The following MAP4K1 variants were observed in gnomAD, a reference collection of about 807,000 sequenced individuals.
The protein encoded by MAP4K1 is MAPK/ERK kinase kinase kinase 1.
In MAP4K1, 35 loss-of-function variants were observed where a neutral mutation model predicts 122.8. The ratio of observed to expected loss-of-function variants is 0.29; its 90% CI spans 0.22 to 0.38. MAP4K1 has a LOEUF of 0.38. Among genes scored for constraint, MAP4K1 ranks in the 10% least tolerant of loss-of-function variants. MAP4K1 has a pLI of 1.00. For synonymous variants in MAP4K1, 412 were observed against 421.3 expected, an observed-to-expected ratio of 0.98 and a Z score of 0.27; for missense variants, 791 against 1,072.6, an observed-to-expected ratio of 0.74 and a Z score of 3.67.
intron 16 of MAP4K1, among the ~76,000 whole-genome samples, chr19:38,606,620 C>A (rs975802099): frequency 3.9e-5 from 6 of 152,156 alleles, no homozygotes; most frequent in Non-Finnish European, 8.8e-5. Context: ...TGCACTCCTG[C>A]ACTTAGCCTT....
In MAP4K1 at chr19:38,613,928, A is replaced by G. The variant is rs775369664; in HGVS notation, c.485T>C (p.Ile162Thr). 3.1e-6 allele frequency: 5 copies of G among 1,613,934 alleles called. No homozygotes were observed. The highest frequency in any genetic ancestry group is 2.5e-6 in the Non-Finnish European group (3 of 1,179,960). The change falls in exon 8 of 31, where the codon ATT (isoleucine) becomes ACT (threonine). Residue 162 changes from isoleucine (I) to threonine (T), a missense_variant. By Grantham distance (89) the Ile-to-Thr change is moderately conservative. Coordinates refer to ENST00000396857, the MANE Select transcript of MAP4K1 (RefSeq NM_001042600.3). ...RLADFGISAQ[I>T]GATLARRLSF... is the part of the protein sequence containing the mutation. The stretch of plus-strand genomic sequence containing the variant: ...GAGGCGTCTGGCCAGTGTAGCCCCA[A>G]TCTGGGCCGAGATGCCAAAGTCAGC...
At chr19:38,616,729 T>G (rs372804287) in intron 3 of MAP4K1, among the ~76,000 whole-genome samples, 12 of 152,278 alleles carry the variant, frequency 7.9e-5, no homozygotes, top group African/African-American at 2.9e-4. Flanking sequence ...GGTGAGAGCT[T>G]CGTTTCAAGG....
chr19:38,600,285 C>T (rs1420314125), intron 20 of MAP4K1, 132 bp from the exon 21 acceptor site: 1 of 727,784 alleles, frequency 1.4e-6, no homozygotes, highest in Non-Finnish European at 2.3e-6. Flanking sequence ...AACCAATACT[C>T]CCAGCCTCTG....
chr19:38,595,684 AGTCCCCGGACTG>A lies in MAP4K1; in HGVS notation c.2213_2224del (p.Pro738_Gly741del). ...GGTCATGGGGATCTCAGGTGTGCGAAGTCCCCGGACTGGGGACCCCTCCGGGGTCACCAGCTT... is the reference window on the plus strand; with the variant it reads ...GGTCATGGGGATCTCAGGTGTGCGAAGGGACCCCTCCGGGGTCACCAGCTT... On this transcript the variant is annotated inframe_deletion, in exon 28 of 31. Transcript: ENST00000396857. The A allele has an allele frequency of 6.2e-7, 1 of 1,613,042 alleles. No homozygotes were observed. Among genetic ancestry groups the A allele is most frequent in the Non-Finnish European group, 8.5e-7 (1 of 1,179,384 alleles).
chr19:38,607,948 C>T (rs756717744), intron 15 of MAP4K1, 37 bp from the exon 16 acceptor site: 3 of 1,611,886 alleles, frequency 1.9e-6, no homozygotes, highest in Non-Finnish European at 2.5e-6. Context: ...GGGGCCTTGT[C>T]CACATTCCAG....
rs201034397 is a variant in MAP4K1 at position 38,616,145 on chromosome 19, G to A, written c.313+50C>T. On this transcript the variant is annotated intron_variant, in intron 4 of 30. Transcript: ENST00000396857. Reference sequence around the variant, plus strand: ...AAGAGGTGAATTTGGGTCGGGGTTGGGGGGTGGGGATAGGGAGGGGTGCTT... The same window carrying A: ...AAGAGGTGAATTTGGGTCGGGGTTGAGGGGTGGGGATAGGGAGGGGTGCTT... The A allele has an allele frequency of 4.8e-6, 7 of 1,461,196 alleles. No homozygotes were observed. The Admixed American group carries it at 1.1e-4, about 23-fold the overall frequency. The allele number at this position is 1,461,196 out of a possible 1,614,324, so 90.5% of individuals were successfully genotyped here.
intron 20 of MAP4K1, among the ~76,000 whole-genome samples, chr19:38,601,158 A>C (rs1975051464): frequency 6.6e-6 from 1 of 151,904 alleles, no homozygotes; most frequent in Non-Finnish European, 1.5e-5. Context: ...CATGTTGGCC[A>C]GGCTGGTCTT....
Position 38,607,981 on chromosome 19 carries a change from G to A in MAP4K1, c.1109+9C>T. On this transcript the variant is annotated intron_variant, in intron 15 of 30. Coordinates refer to ENST00000396857, the MANE Select transcript of MAP4K1 (RefSeq NM_001042600.3). The stretch of plus-strand genomic sequence containing the variant: ...CAGCCCCCTCCCCATCCTCCCTGGG[G>A]TCCCTGACCTGGGGCTGCTGCTCCT... 6.2e-7 allele frequency: 1 copy of A among 1,611,828 alleles called. No homozygotes were observed. The highest frequency in any genetic ancestry group is 2.2e-5 in the East Asian group (1 of 44,822).
chr19:38,609,159 G>A (rs780315868), intron 13 of MAP4K1, among the ~76,000 whole-genome samples: 34 of 151,936 alleles, frequency 2.2e-4, no homozygotes, highest in Non-Finnish European at 4.0e-4. Context: ...TCCTTGAGAC[G>A]GTCTCGCTCT....
intron 25 of MAP4K1, among the ~76,000 whole-genome samples, chr19:38,596,826 C>T (rs1974902340): frequency 1.3e-5 from 2 of 152,104 alleles, no homozygotes; most frequent in African/African-American, 4.8e-5. Context: ...ATAATTAGGC[C>T]CAGGTGTGAG....
At chr19:38,598,884 G>T (rs1974969120) in intron 22 of MAP4K1, among the ~76,000 whole-genome samples, 1 of 149,860 alleles carries the variant, frequency 6.7e-6, no homozygotes, top group Admixed American at 6.7e-5. Context: ...GTGGTGGCAG[G>T]TGCCTGTAAT....
chr19:38,592,298 G>A lies in MAP4K1; in HGVS notation c.2396+984C>T, dbSNP rs577855370. ...CAAAAATGAAATAAAATTAAGGCCA[G>A]GTGCAGTGGCTCACTCCTGTAATCC... On this transcript the variant is annotated intron_variant, in intron 30 of 30. Coordinates refer to ENST00000396857, the MANE Select transcript of MAP4K1 (RefSeq NM_001042600.3). Among the ~76,000 whole-genome samples, 46 of 152,146 alleles carry A rather than the reference G, an allele frequency of 3.0e-4. No individual in the cohort carries two copies. In the South Asian group the frequency reaches 8.7e-3, roughly 29 times the overall value.
At chr19:38,614,170 T>C in intron 6 of MAP4K1, 75 bp downstream of exon 6, 1 of 1,607,508 alleles carries the variant, frequency 6.2e-7, no homozygotes, top group African/African-American at 1.3e-5. Flanking sequence ...ACTACCCTGA[T>C]CCCTGAGCCC....
At chr19:38,593,161 G>T in intron 30 of MAP4K1, 121 bp downstream of exon 30, 1 of 855,258 alleles carries the variant, frequency 1.2e-6, no homozygotes, top group Non-Finnish European at 1.8e-6. Flanking sequence ...AGGGATGGAA[G>T]CAGGGTGACC....
intron 8 of MAP4K1, among the ~76,000 whole-genome samples, chr19:38,613,029 T>C (rs1164494560): frequency 1.3e-5 from 2 of 151,508 alleles, no homozygotes; most frequent in East Asian, 2.0e-4. Flanking sequence ...CTATCTCGGC[T>C]GGGCACGGTG....
chr19:38,589,711 G>A (rs1184400925), intron 30 of MAP4K1, among the ~76,000 whole-genome samples: 3 of 152,070 alleles, frequency 2.0e-5, no homozygotes, highest in East Asian at 1.9e-4. Context: ...CACCGCGCCC[G>A]ACCGGTGGGA....
chr19:38,589,339 C>A, intron 30 of MAP4K1: 1 of 246,572 alleles, frequency 4.1e-6, no homozygotes, highest in Non-Finnish European at 8.3e-6. Context: ...AACAATAAAA[C>A]TAGTGGGTGA....
At chr19:38,614,196 C>T in intron 6 of MAP4K1, 49 bp downstream of exon 6, 4 of 1,610,880 alleles carry the variant, frequency 2.5e-6, no homozygotes, top group Non-Finnish European at 3.4e-6. Context: ...ATGCCACTCC[C>T]ATCTCCTGGG....
At chr19:38,594,997 A>C (rs900643999) in intron 29 of MAP4K1, among the ~76,000 whole-genome samples, 1 of 139,140 alleles carries the variant, frequency 7.2e-6, no homozygotes, top group Non-Finnish European at 1.5e-5. Flanking sequence ...ATCTATCTAT[A>C]AAATAGGCCG....
Sources: gnomAD v4.1 joint callset for allele counts (sites outside exome capture counted in the v4.1 genomes callset) on GRCh38, gnomAD v4.1.1 for gene constraint, MANE v1.5 for transcripts, NCBI Gene and HGNC (gene_info 2026-07-23, HGNC 2026-07-21) for gene names.